FUT8: variants seen among roughly 807,000 people sequenced by gnomAD.
FUT8 encodes the protein alpha-(1,6)-fucosyltransferase.
Under a neutral mutation model 71.3 loss-of-function variants are expected in FUT8, and 29 were observed. That is an observed-to-expected ratio of 0.41 (90% CI 0.30 to 0.55). FUT8 has a LOEUF of 0.55. FUT8 is among the 20% of genes least tolerant of loss of function. FUT8 has a pLI of 0.34. For missense variants in FUT8, 544 were observed against 702.1 expected (o/e 0.77, Z 2.55); for synonymous variants, 254 against 239.3 (o/e 1.06, Z -0.57).
chr14:65,480,510 T>A (rs1246945546), intron 2 of FUT8, among the ~76,000 whole-genome samples: 1 of 151,926 alleles, frequency 6.6e-6, no homozygotes, highest in Non-Finnish European at 1.5e-5. Flanking sequence ...GAGACAGGTT[T>A]CATCATGTTG....
chr14:65,611,223 G>A (rs1336654048), intron 3 of FUT8, among the ~76,000 whole-genome samples: 157 of 3,078 alleles, frequency 0.051, 13 homozygotes, highest in African/African-American at 0.068. Context: ...GCGCGCGCGC[G>A]CACACACACA....
intron 2 of FUT8, among the ~76,000 whole-genome samples, chr14:65,537,535 C>T (rs1008844215): frequency 4.6e-5 from 7 of 152,024 alleles, no homozygotes; most frequent in Non-Finnish European, 8.8e-5. Flanking sequence ...CTACAGGCAC[C>T]TGCCACCACG....
At chr14:65,412,365 G>C (rs1235045515), upstream of FUT8, 1 of 455,470 alleles carries the variant, frequency 2.2e-6, no homozygotes, top group Admixed American at 2.3e-5. Flanking sequence ...GACTGAGCTG[G>C]CACGGGCCGG....
At chr14:65,561,833 A>T in intron 3 of FUT8, 67 bp downstream of exon 3, 1 of 1,268,302 alleles carries the variant, frequency 7.9e-7, no homozygotes, top group Non-Finnish European at 1.1e-6. Flanking sequence ...GTAGGGCTTC[A>T]TTCCGCTAGG....
intron 3 of FUT8, among the ~76,000 whole-genome samples, chr14:65,576,643 T>C (rs1042970573): frequency 7.0e-6 from 1 of 142,788 alleles, no homozygotes; most frequent in African/African-American, 2.6e-5. Context: ...ATCCTCCTAC[T>C]TCAGCCTCCC....
the FUT8 span, among the ~76,000 whole-genome samples, chr14:65,382,551 G>A: frequency 1.3e-5 from 2 of 152,076 alleles, no homozygotes; most frequent in Non-Finnish European, 2.9e-5. Flanking sequence ...CCTTGGCCAG[G>A]CTGGTCTTGA....
chr14:65,375,606 G>A, the FUT8 span, among the ~76,000 whole-genome samples: 1 of 151,720 alleles, frequency 6.6e-6, no homozygotes, highest in Non-Finnish European at 1.5e-5. Context: ...GGGTGACAGA[G>A]CAAGACCCTG....
At chr14:65,427,355 T>C (rs1178274798) in intron 1 of FUT8, among the ~76,000 whole-genome samples, 3 of 152,200 alleles carry the variant, frequency 2.0e-5, no homozygotes, top group African/African-American at 7.2e-5. Context: ...TTTAATATTT[T>C]GAGGAACCTC....
intron 10 of FUT8, among the ~76,000 whole-genome samples, chr14:65,737,338 A>T (rs1324378423): frequency 3.3e-5 from 5 of 152,162 alleles, no homozygotes; most frequent in Non-Finnish European, 5.9e-5. Context: ...CTCAGGATTT[A>T]ATATGAAAAT....
At chr14:65,723,657 C>T (rs1895540441) in intron 8 of FUT8, among the ~76,000 whole-genome samples, 1 of 152,136 alleles carries the variant, frequency 6.6e-6, no homozygotes, top group South Asian at 2.1e-4. Context: ...CTTTTAAGTT[C>T]TACAAGCTGG....
At chr14:65,464,800 T>C (rs2066018059) in intron 2 of FUT8, among the ~76,000 whole-genome samples, 1 of 152,196 alleles carries the variant, frequency 6.6e-6, no homozygotes, top group Non-Finnish European at 1.5e-5. Context: ...TTTCCTTTCT[T>C]GTAAGGCTGT....
At chr14:65,517,279 A>G (rs1882776320) in intron 2 of FUT8, among the ~76,000 whole-genome samples, 10 of 152,102 alleles carry the variant, frequency 6.6e-5, no homozygotes, top group Admixed American at 5.9e-4. Context: ...AAATATCTGA[A>G]TTTTCAGTGT....
intron 6 of FUT8, among the ~76,000 whole-genome samples, chr14:65,642,243 A>G (rs190142832): frequency 7.9e-4 from 120 of 152,244 alleles, no homozygotes; most frequent in African/African-American, 2.8e-3. Flanking sequence ...TAGCTATTCA[A>G]TTGGTCTAGA....
intron 3 of FUT8, among the ~76,000 whole-genome samples, chr14:65,591,652 C>CAT (rs1887691832): frequency 6.6e-6 from 1 of 151,976 alleles, no homozygotes; most frequent in Non-Finnish European, 1.5e-5. Flanking sequence ...TCATTGGTGA[C>CAT]ATGAGGGGAA....
chr14:65,666,046 G>A (rs1892195184), intron 6 of FUT8, among the ~76,000 whole-genome samples: 1 of 151,448 alleles, frequency 6.6e-6, no homozygotes, highest in African/African-American at 2.4e-5. Context: ...AAGTTAACCT[G>A]TATACAAACC....
At position 65,547,055 on chromosome 14, in the gene FUT8, C is replaced by G. The variant is rs370379066; in HGVS notation, c.-227-14282C>G. Among the ~76,000 whole-genome samples, 433 of 151,448 alleles carry G rather than the reference C, an allele frequency of 2.9e-3. 3 individuals are homozygous for G. The highest frequency in any genetic ancestry group is 9.9e-3 in the African/African-American group (412 of 41,436). On this transcript the variant is annotated intron_variant, in intron 2 of 10. Transcript: ENST00000673929. ...TTTTCTTATTACTCTTTTGTAGTAT[C>G]TCTAGTAATACTACAGATAGTGCCT...
chr14:65,717,938 T>A (rs992429647), intron 7 of FUT8, among the ~76,000 whole-genome samples: 11 of 152,220 alleles, frequency 7.2e-5, no homozygotes, highest in Non-Finnish European at 1.5e-4. Context: ...TCCCTTTATT[T>A]TTAGTCTGTG....
chr14:65,482,954 G>C (rs1055672822), intron 2 of FUT8, among the ~76,000 whole-genome samples: 1 of 152,116 alleles, frequency 6.6e-6, no homozygotes, highest in Admixed American at 6.6e-5. Context: ...GTTTCTGTAG[G>C]ATGCATGTTT....
Position 65,686,004 on chromosome 14 carries a change from G to T in FUT8, c.835+16524G>T, listed in dbSNP as rs147130171. On this transcript the variant is annotated intron_variant, in intron 7 of 10. Transcript: ENST00000673929. ...GAATACCTGACCTCCTGGGAATGCA[G>T]CCCAGTAGGTCTTAGCCTCATTTTA... Among the ~76,000 whole-genome samples, 1,040 of 152,248 alleles carry T rather than the reference G, an allele frequency of 6.8e-3. 12 individuals are homozygous for T. Among genetic ancestry groups the T allele is most frequent in the African/African-American group, 0.023 (940 of 41,554 alleles).
Sources: gnomAD v4.1 joint callset for allele counts (sites outside exome capture counted in the v4.1 genomes callset) on GRCh38, gnomAD v4.1.1 for gene constraint, MANE v1.5 for transcripts, NCBI Gene and HGNC (gene_info 2026-07-23, HGNC 2026-07-21) for gene names.